FAM20A: variants seen among roughly 807,000 people sequenced by gnomAD.
FAM20A encodes the protein FAM20A golgi associated secretory pathway pseudokinase, also known as pseudokinase FAM20A.
Under a neutral mutation model 52.0 loss-of-function variants are expected in FAM20A, and 42 were observed. The observed-to-expected ratio is 0.81, with a 90% CI of 0.63 to 1.04. The LOEUF (loss-of-function observed/expected upper bound fraction) is 1.04, where lower values mean the gene tolerates loss of function less well. Among genes scored for constraint, FAM20A ranks in the 50% least tolerant of loss-of-function variants. The probability of loss-of-function intolerance (pLI) is 0.00; values close to 1 mark genes in which losing one functional copy is unlikely to be tolerated. For synonymous variants in FAM20A, 304 were observed against 298.9 expected (o/e 1.02, Z -0.18); for missense variants, 742 against 712.7 (o/e 1.04, Z -0.47).
At chr17:68,547,649 C>G (rs187807011) in intron 4 of FAM20A, among the ~76,000 whole-genome samples, 142 of 152,376 alleles carry the variant, frequency 9.3e-4, no homozygotes, top group African/African-American at 3.1e-3. Flanking sequence ...TCACCTGTCT[C>G]AGCCTTCATT....
At chr17:68,570,185 C>T (rs1298554312) in intron 1 of FAM20A, among the ~76,000 whole-genome samples, 3 of 152,192 alleles carry the variant, frequency 2.0e-5, no homozygotes, top group African/African-American at 7.2e-5. Flanking sequence ...AGGTGATTCT[C>T]CTGCCTCAGC....
chr17:68,588,150 A>G (rs2143896672), intron 1 of FAM20A, among the ~76,000 whole-genome samples: 1 of 151,850 alleles, frequency 6.6e-6, no homozygotes, highest in Admixed American at 6.6e-5. Context: ...GGGGCCCAGA[A>G]GAAGGGGAGC....
chr17:68,537,823 G>A lies in FAM20A; in HGVS notation c.1362-82C>T. 1 of 1,463,882 alleles carries A rather than the reference G, an allele frequency of 6.8e-7. No individual in the cohort carries two copies. The highest frequency in any genetic ancestry group is 9.3e-7 in the Non-Finnish European group (1 of 1,072,620). The allele number at this position is 1,463,882 out of a possible 1,614,324, so 90.7% of individuals were successfully genotyped here. On this transcript the variant is annotated intron_variant, in intron 10 of 10. Coordinates refer to ENST00000592554, the MANE Select transcript of FAM20A (RefSeq NM_017565.4). The surrounding 1 kb of genome is among the most constrained non-coding windows in gnomAD (Gnocchi z 4.2). ...TGAACTTCTTTCCCCACAAACAGCT[G>A]TTGTAGCTGATACTCTTGGCGCCTC...
chr17:68,547,714 G>T (rs1019137579), intron 4 of FAM20A, among the ~76,000 whole-genome samples: 3 of 152,178 alleles, frequency 2.0e-5, no homozygotes, highest in South Asian at 2.1e-4. Flanking sequence ...GAATGCTGTG[G>T]CTGGTTTAAT....
At chr17:68,566,732 A>T (rs1240237122) in intron 1 of FAM20A, among the ~76,000 whole-genome samples, 1 of 152,214 alleles carries the variant, frequency 6.6e-6, no homozygotes, top group Non-Finnish European at 1.5e-5. Context: ...CTCCAAAATA[A>T]TTTAATTCAA....
At position 68,563,043 on chromosome 17, in the gene FAM20A, G is replaced by C. The variant is rs533171302; in HGVS notation, c.405-7300C>G. On this transcript the variant is annotated intron_variant, in intron 1 of 10. Coordinates refer to ENST00000592554, the MANE Select transcript of FAM20A (RefSeq NM_017565.4). ...TGGACTTAGTTATCTGAACGGAATG[G>C]ATCCCTTTCCTCCAGCTGGTTAGGA... 5.3e-5 allele frequency among the ~76,000 whole-genome samples: 8 copies of C among 152,272 alleles called. No homozygotes were observed. In the South Asian group the frequency reaches 1.7e-3, roughly 32 times the overall value.
At position 68,573,520 on chromosome 17, in the gene FAM20A, TTTCC is replaced by T. The variant is rs756836763; in HGVS notation, c.405-17781_405-17778del. Among the ~76,000 whole-genome samples the T allele has an allele frequency of 2.1e-3, 317 of 151,014 alleles. 2 individuals are homozygous for T. The highest frequency in any genetic ancestry group is 3.4e-3 in the Non-Finnish European group (229 of 67,674). ...TTTCTCTCTCTTTCTCTTTTCCTTC[TTTCC>T]TTCCTTCCTTCCTTTCTTTCCTTTC... On this transcript the variant is annotated intron_variant, in intron 1 of 10. Coordinates refer to ENST00000592554, the MANE Select transcript of FAM20A (RefSeq NM_017565.4).
chr17:68,562,528 A>G (rs1001961975), intron 1 of FAM20A, among the ~76,000 whole-genome samples: 3 of 152,172 alleles, frequency 2.0e-5, no homozygotes, highest in Non-Finnish European at 4.4e-5. Context: ...TAATTGTACA[A>G]TTAAACAAAT....
intron 7 of FAM20A, 23 bp downstream of exon 7, chr17:68,541,962 G>A: frequency 1.2e-5 from 19 of 1,608,724 alleles, no homozygotes; most frequent in Non-Finnish European, 1.6e-5. Flanking sequence ...GGACTGGGCT[G>A]TGTGGCCTGG....
In FAM20A at chr17:68,542,871, T is replaced by C. The variant is rs9910528; in HGVS notation, c.813-62A>G. On this transcript the variant is annotated intron_variant, in intron 5 of 10. Coordinates refer to ENST00000592554, the MANE Select transcript of FAM20A (RefSeq NM_017565.4). The stretch of plus-strand genomic sequence containing the variant: ...ATCAGGGAGTGAGGAGGAGGGGTTT[T>C]GTCCCCCGGCCAGTGCACATTAGGA... 3.9e-3 allele frequency: 5,149 copies of C among 1,319,420 alleles called. 155 individuals carry two copies. In the African/African-American group the frequency reaches 0.064, roughly 16 times the overall value. The allele number at this position is 1,319,420 out of a possible 1,614,324, so 81.7% of individuals were successfully genotyped here.
intron 1 of FAM20A, among the ~76,000 whole-genome samples, chr17:68,566,895 G>A (rs2087391134): frequency 6.6e-6 from 1 of 152,186 alleles, no homozygotes; most frequent in Admixed American, 6.5e-5. Flanking sequence ...CAAAATTTAA[G>A]GAACTTCCTT....
chr17:68,546,005 T>G (rs1221145519), intron 4 of FAM20A, among the ~76,000 whole-genome samples: 1 of 151,764 alleles, frequency 6.6e-6, no homozygotes, highest in Non-Finnish European at 1.5e-5. Context: ...CTGTCTCTAC[T>G]AAAAATACAA....
chr17:68,583,218 C>A (rs1261867548), intron 1 of FAM20A, among the ~76,000 whole-genome samples: 4 of 152,044 alleles, frequency 2.6e-5, no homozygotes, highest in Non-Finnish European at 5.9e-5. Flanking sequence ...CACAAAGAAG[C>A]CTCCATCTTT....
At chr17:68,541,217 C>T (rs1212230645) in intron 7 of FAM20A, 6 of 479,234 alleles carry the variant, frequency 1.3e-5, no homozygotes, top group African/African-American at 2.0e-5. Flanking sequence ...GGGGAGAGGC[C>T]GGGGCAGGCA....
At chr17:68,550,369 CTTTT>C (rs747654899) in intron 4 of FAM20A, among the ~76,000 whole-genome samples, 15 of 79,388 alleles carry the variant, frequency 1.9e-4, no homozygotes, top group Middle Eastern at 0.012. Context: ...AATGGGGGAA[CTTTT>C]TTTTTTTTTT....
chr17:68,538,673 TTA>T (rs1413847583), intron 10 of FAM20A, among the ~76,000 whole-genome samples: 1 of 152,208 alleles, frequency 6.6e-6, no homozygotes, highest in Non-Finnish European at 1.5e-5. Context: ...GTAGTAATAT[TTA>T]TGAGCCGATA....
Position 68,571,989 on chromosome 17 carries a change from T to C in FAM20A, c.405-16246A>G, listed in dbSNP as rs1395894624. Among the ~76,000 whole-genome samples the C allele has an allele frequency of 7.2e-4, 5 of 6,946 alleles. No homozygotes were observed. The East Asian group carries it at 0.019, about 26-fold the overall frequency. 4.6% of individuals were successfully genotyped at this position (6,946 alleles called of 152,430 possible). ...ATATATGTGTGTGTATATACATACA[T>C]ATATATATATATATATATATATATA... On this transcript the variant is annotated intron_variant, in intron 1 of 10. Coordinates refer to ENST00000592554, the MANE Select transcript of FAM20A (RefSeq NM_017565.4).
intron 1 of FAM20A, among the ~76,000 whole-genome samples, chr17:68,575,749 TTATA>T (rs1490998248): frequency 7.8e-6 from 1 of 128,002 alleles, no homozygotes; most frequent in East Asian, 2.1e-4. Flanking sequence ...ATTTTATATA[TTATA>T]TATATTTTAT....
At chr17:68,573,051 C>T (rs1321978178) in intron 1 of FAM20A, among the ~76,000 whole-genome samples, 2 of 152,208 alleles carry the variant, frequency 1.3e-5, no homozygotes, top group Non-Finnish European at 2.9e-5. Context: ...TTATCTGCTT[C>T]AGCTAGCTCA....
Sources: gnomAD v4.1 joint callset for allele counts (sites outside exome capture counted in the v4.1 genomes callset) on GRCh38, gnomAD v4.1.1 for gene constraint, Gnocchi (gnomAD v3.1) non-coding constraint, MANE v1.5 for transcripts, NCBI Gene and HGNC (gene_info 2026-07-23, HGNC 2026-07-21) for gene names.